PRSS23: variants seen among roughly 807,000 people sequenced by gnomAD.
PRSS23 encodes serine protease 23, also known as protease, serine 23.
In PRSS23, 25 loss-of-function variants were observed where a neutral mutation model predicts 34.7. The ratio of observed to expected loss-of-function variants is 0.72; its 90% confidence interval spans 0.53 to 1.01. PRSS23 has a LOEUF of 1.01. Ranked by LOEUF, PRSS23 falls within the 50% of genes least tolerant of loss-of-function variation. The probability of loss-of-function intolerance (pLI) is 0.00; values close to 1 mark genes in which losing one functional copy is unlikely to be tolerated. For missense variants in PRSS23, 445 were observed against 475.6 expected, an observed-to-expected ratio of 0.94 and a Z score of 0.60; for synonymous variants, 176 against 186.6, an observed-to-expected ratio of 0.94 and a Z score of 0.46.
chr11:86,922,538 A>C (rs1949053833), intron 2 of PRSS23, among the ~76,000 whole-genome samples: 1 of 152,216 alleles, frequency 6.6e-6, no homozygotes, highest in Admixed American at 6.5e-5. Flanking sequence ...ATCACTATGA[A>C]GATTAAATGA....
At chr11:86,912,622 AT>A (rs1374009336) in intron 2 of PRSS23, among the ~76,000 whole-genome samples, 1 of 152,010 alleles carries the variant, frequency 6.6e-6, no homozygotes, top group African/African-American at 2.4e-5. Context: ...ATTCAATTCC[AT>A]TTGGTTCTTT....
chr11:86,914,122 A>G lies in PRSS23; in HGVS notation c.207-37094A>G, dbSNP rs190476571. 4.6e-5 allele frequency among the ~76,000 whole-genome samples: 7 copies of G among 151,794 alleles called. 1 individual carries two copies. Among genetic ancestry groups the G allele is most frequent in the African/African-American group, 1.7e-4 (7 of 41,390 alleles). Reference sequence around the variant, plus strand: ...GTGCCTGTAGTCCCAGCTACTCAGGAGGCTGAAGCAGGAGAATTGCTTGAA... The same window carrying G: ...GTGCCTGTAGTCCCAGCTACTCAGGGGGCTGAAGCAGGAGAATTGCTTGAA... On this transcript the variant is annotated intron_variant, in intron 2 of 2. Coordinates refer to the PRSS23 transcript ENST00000533902.
At chr11:86,894,875 G>A (rs1051136073) in intron 2 of PRSS23, among the ~76,000 whole-genome samples, 1 of 152,120 alleles carries the variant, frequency 6.6e-6, no homozygotes, top group African/African-American at 2.4e-5. Context: ...TCTCATTTAT[G>A]TTTTTAATGC....
rs192551393 is a variant in PRSS23 at position 86,822,600 on chromosome 11, G to A, written c.-11-777G>A. ...CACGCCACTGCACTTCAGCCTGGGC[G>A]ACAAGAGTGTGAACCTGACTAAAAA... On this transcript the variant is annotated intron_variant, in intron 1 of 2. Transcript: ENST00000533902. 2.1e-4 allele frequency among the ~76,000 whole-genome samples: 31 copies of A among 146,368 alleles called. No individual in the cohort carries two copies. In the East Asian group the frequency reaches 5.3e-3, roughly 25 times the overall value.
intron 1 of PRSS23, among the ~76,000 whole-genome samples, chr11:86,805,171 T>A (rs558588466): frequency 6.6e-6 from 1 of 152,320 alleles, no homozygotes; most frequent in African/African-American, 2.4e-5. Context: ...GCAGGGATTC[T>A]GGTGTGAGTG....
intron 2 of PRSS23, among the ~76,000 whole-genome samples, chr11:86,932,294 G>A (rs78763847): frequency 0.037 from 5,597 of 152,290 alleles, 130 homozygotes; most frequent in Non-Finnish European, 0.054. Flanking sequence ...CAAACAAGAA[G>A]TGTATTCAGC....
chr11:86,834,286 T>G (rs1948385083), intron 2 of PRSS23, among the ~76,000 whole-genome samples: 1 of 152,166 alleles, frequency 6.6e-6, no homozygotes, highest in South Asian at 2.1e-4. Context: ...ATTGGTTAGC[T>G]GCAGGCAAAA....
chr11:86,879,268 A>G (rs11501854), intron 2 of PRSS23, among the ~76,000 whole-genome samples: 88,295 of 131,970 alleles, frequency 0.67, 30,740 homozygotes, highest in African/African-American at 0.84. Flanking sequence ...GCCTCTACCC[A>G]GCTGCGACCC....
intron 2 of PRSS23, among the ~76,000 whole-genome samples, chr11:86,900,721 T>C (rs994498763): frequency 1.3e-5 from 2 of 151,442 alleles, no homozygotes; most frequent in African/African-American, 4.9e-5. Context: ...GGAATCTCTT[T>C]CTCAGACTCT....
At chr11:86,889,526 A>G (rs1948827056) in intron 2 of PRSS23, among the ~76,000 whole-genome samples, 1 of 152,152 alleles carries the variant, frequency 6.6e-6, no homozygotes, top group Admixed American at 6.5e-5. Context: ...GAAGGAATGG[A>G]AGGAGCAAAA....
chr11:86,924,197 A>C (rs546603123), intron 2 of PRSS23, among the ~76,000 whole-genome samples: 1 of 152,262 alleles, frequency 6.6e-6, no homozygotes, highest in African/African-American at 2.4e-5. Flanking sequence ...ACCAGTTCTA[A>C]TTTAGATGCA....
At chr11:86,862,736 T>A (rs1346005071) in intron 2 of PRSS23, among the ~76,000 whole-genome samples, 1 of 151,996 alleles carries the variant, frequency 6.6e-6, no homozygotes, top group East Asian at 1.9e-4. Flanking sequence ...ATACACCCTT[T>A]TATATTCTTC....
At chr11:86,905,031 G>A (rs1948933337) in intron 2 of PRSS23, among the ~76,000 whole-genome samples, 1 of 152,124 alleles carries the variant, frequency 6.6e-6, no homozygotes, top group African/African-American at 2.4e-5. Context: ...ACTTCAGTCT[G>A]GGGGACAGAG....
At chr11:86,853,532 G>T (rs1306078160) in intron 2 of PRSS23, among the ~76,000 whole-genome samples, 6 of 152,090 alleles carry the variant, frequency 3.9e-5, no homozygotes, top group Admixed American at 3.9e-4. Context: ...TAGGATTACA[G>T]GTGTGAGCCA....
chr11:86,887,757 A>G (rs1312067856), intron 2 of PRSS23, among the ~76,000 whole-genome samples: 2 of 152,126 alleles, frequency 1.3e-5, no homozygotes, highest in Non-Finnish European at 2.9e-5. Context: ...ACTAAATAAT[A>G]TTACACAATG....
Position 86,800,733 on chromosome 11 carries a change from A to T in PRSS23, c.-14+82A>T, listed in dbSNP as rs554568689. 9 of 822,672 alleles carry T rather than the reference A, an allele frequency of 1.1e-5. No homozygotes were observed. The South Asian group carries it at 1.6e-4, about 15-fold the overall frequency. 51.0% of individuals were successfully genotyped at this position (822,672 alleles called of 1,614,324 possible). On this transcript the variant is annotated intron_variant, in intron 1 of 1. Transcript: ENST00000280258. ...GGAGGAGCGGGACAAAGGGCCGGGT[A>T]TGCGCGGGGTAGGGTAACTGCGGGC...
At chr11:86,902,219 A>G (rs575494600) in intron 2 of PRSS23, among the ~76,000 whole-genome samples, 7 of 152,188 alleles carry the variant, frequency 4.6e-5, no homozygotes, top group Non-Finnish European at 5.9e-5. Context: ...GTGCTCAGAA[A>G]CTATAGGGAC....
At chr11:86,879,920 C>T (rs527603739) in intron 2 of PRSS23, among the ~76,000 whole-genome samples, 5,500 of 150,476 alleles carry the variant, frequency 0.037, 55 homozygotes, top group Middle Eastern at 0.11. Context: ...CCCCTCTGCC[C>T]GGCCACCACC....
chr11:86,928,345 A>AAT (rs887840579), intron 2 of PRSS23, among the ~76,000 whole-genome samples: 14 of 148,358 alleles, frequency 9.4e-5, no homozygotes, highest in East Asian at 2.0e-4. Flanking sequence ...GCATTACATT[A>AAT]ATATATATAT....
Sources: gnomAD v4.1 joint callset for allele counts (sites outside exome capture counted in the v4.1 genomes callset) on GRCh38, gnomAD v4.1.1 for gene constraint, MANE v1.5 for transcripts, NCBI Gene and HGNC (gene_info 2026-07-23, HGNC 2026-07-21) for gene names.